KIF9: variants seen among roughly 807,000 people sequenced by gnomAD.
The protein encoded by KIF9 is kinesin-like protein KIF9.
KIF9 carries 68 observed loss-of-function variants against 94.8 expected under a neutral mutation model. The ratio of observed to expected loss-of-function variants is 0.72; its 90% CI spans 0.59 to 0.88. KIF9 has a LOEUF of 0.88. Among genes scored for constraint, KIF9 ranks in the 40% least tolerant of loss-of-function variants. The pLI, the probability that KIF9 is intolerant of heterozygous loss-of-function variation, is 0.00. For synonymous variants in KIF9, 343 were observed against 362.1 expected (o/e 0.95, Z 0.60); for missense variants, 882 against 982.5 (o/e 0.90, Z 1.37).
chr3:47,256,499 G>A (rs1358128562), intron 10 of KIF9, among the ~76,000 whole-genome samples: 1 of 151,136 alleles, frequency 6.6e-6, no homozygotes, highest in Non-Finnish European at 1.5e-5. Context: ...CAGGCCAGCC[G>A]CCCCGTCTGG....
intron 4 of KIF9, 70 bp from the exon 5 acceptor site, chr3:47,271,531 C>G: frequency 9.1e-7 from 1 of 1,095,448 alleles, no homozygotes; most frequent in South Asian, 1.3e-5. Flanking sequence ...AGGGGGGCTT[C>G]CTAACTCAGA....
Position 47,246,178 on chromosome 3 carries a change from A to AG in KIF9, c.1289+18dup. 4 of 1,607,200 alleles carry AG rather than the reference A, an allele frequency of 2.5e-6. No individual in the cohort carries two copies. Among genetic ancestry groups the AG allele is most frequent in the Non-Finnish European group, 3.4e-6 (4 of 1,174,368 alleles). Reference sequence around the variant, plus strand: ...TGGCAGCCTGATGTAGGAATGAGGTAGGGGTGGGGGTCTCTCACCTCAGAA... The same window carrying AG: ...TGGCAGCCTGATGTAGGAATGAGGTAGGGGGTGGGGGTCTCTCACCTCAGAA... On this transcript the variant is annotated intron_variant, in intron 13 of 20. Coordinates refer to ENST00000684063, the MANE Select transcript of KIF9 (RefSeq NM_182902.4).
At chr3:47,281,279 C>T (rs1264548774) in intron 1 of KIF9, 1 of 457,018 alleles carries the variant, frequency 2.2e-6, no homozygotes, top group East Asian at 3.6e-5. Context: ...CAGGAGGACA[C>T]TTGGTTTCCA....
chr3:47,264,374 G>A, intron 8 of KIF9, 24 bp from the exon 9 acceptor site: 1 of 1,599,034 alleles, frequency 6.3e-7, no homozygotes, highest in African/African-American at 1.3e-5. Flanking sequence ...GACACAGAAG[G>A]GCTATGAACC....
intron 13 of KIF9, chr3:47,245,987 C>T: frequency 1.8e-6 from 1 of 556,544 alleles, no homozygotes; most frequent in South Asian, 2.3e-5. Context: ...CTGCTCTGGG[C>T]ACTCTCAGAG....
At chr3:47,237,944 C>A (rs1699158003) in intron 17 of KIF9, among the ~76,000 whole-genome samples, 1 of 152,054 alleles carries the variant, frequency 6.6e-6, no homozygotes, top group African/African-American at 2.4e-5. Context: ...AAGCCACAAT[C>A]CTTTACAGAG....
chr3:47,280,463 T>C (rs185440325), intron 1 of KIF9, among the ~76,000 whole-genome samples: 1 of 152,358 alleles, frequency 6.6e-6, no homozygotes, highest in East Asian at 1.9e-4. Flanking sequence ...TCCCAGCCTT[T>C]GGGAGGCCAA....
chr3:47,266,047 T>C, intron 7 of KIF9, 170 bp from the exon 8 acceptor site: 1 of 606,008 alleles, frequency 1.7e-6, no homozygotes, highest in Non-Finnish European at 2.9e-6. Flanking sequence ...CATCTTGGGC[T>C]AATAATGGTA....
intron 13 of KIF9, 35 bp from the exon 14 acceptor site, chr3:47,245,546 G>A (rs761640638): frequency 6.5e-7 from 1 of 1,527,204 alleles, no homozygotes; most frequent in East Asian, 2.2e-5. Context: ...GCTTGTACCT[G>A]GGGCCATGCT....
At chr3:47,231,393 ATCAGTATC>A (rs1186022321) in intron 20 of KIF9, among the ~76,000 whole-genome samples, 7 of 141,896 alleles carry the variant, frequency 4.9e-5, no homozygotes, top group Admixed American at 3.7e-4. Context: ...CTCAGGCTCC[ATCAGTATC>A]TACTTTTTTT....
intron 3 of KIF9, among the ~76,000 whole-genome samples, chr3:47,274,954 G>A (rs770397022): frequency 6.6e-6 from 1 of 152,206 alleles, no homozygotes; most frequent in Non-Finnish European, 1.5e-5. Context: ...CATTGATTGT[G>A]TTGGTAGAAT....
chr3:47,271,870 C>T (rs550919912), intron 4 of KIF9, among the ~76,000 whole-genome samples: 1 of 152,162 alleles, frequency 6.6e-6, no homozygotes, highest in Non-Finnish European at 1.5e-5. Flanking sequence ...ACCTGTGAGC[C>T]CAGCACTTTG....
chr3:47,244,630 A>G, intron 15 of KIF9, 161 bp downstream of exon 15: 3 of 859,878 alleles, frequency 3.5e-6, no homozygotes, highest in Non-Finnish European at 1.8e-6. Flanking sequence ...AACCAGCCCC[A>G]GCCCGGGCCC....
rs1426609749 is a variant in KIF9 at position 47,236,406 on chromosome 3, T to C, written c.2101+37A>G. On this transcript the variant is annotated intron_variant, in intron 18 of 20. Coordinates refer to ENST00000684063, the MANE Select transcript of KIF9 (RefSeq NM_182902.4). ...TGTGGCCTCTCCCTGAGTCTCCTTG[T>C]ACCTCAGGTGGCGGCCAACCTTCCC... is the stretch of plus-strand genomic sequence containing the variant. 1.9e-6 allele frequency: 3 copies of C among 1,607,236 alleles called. No homozygotes were observed. The Admixed American group carries it at 5.0e-5, about 27-fold the overall frequency.
chr3:47,270,388 G>A (rs907861679), intron 5 of KIF9, among the ~76,000 whole-genome samples: 4 of 151,626 alleles, frequency 2.6e-5, no homozygotes, highest in South Asian at 2.1e-4. Flanking sequence ...CTAGTAGCTG[G>A]GATTACAGGC....
rs1702090468 is a variant in KIF9, at chr3:47,278,076, CATTT to C, written c.-5-701_-5-698del. 2.0e-5 allele frequency among the ~76,000 whole-genome samples: 3 copies of C among 151,422 alleles called. No homozygotes were observed. The East Asian group carries it at 5.8e-4, about 29-fold the overall frequency. On this transcript the variant is annotated intron_variant, in intron 1 of 20. Transcript: ENST00000684063. ...GGAAGACATAGGACATATATACATA[CATTT>C]TTTTTTTTTGAGACAGAGTCTCACC...
intron 16 of KIF9, among the ~76,000 whole-genome samples, chr3:47,241,407 C>T (rs750423541): frequency 1.3e-5 from 2 of 151,810 alleles, no homozygotes; most frequent in African/African-American, 2.4e-5. Flanking sequence ...CTGCAACCCC[C>T]ACCTCCTAGG....
chr3:47,228,052 C>G lies in KIF9; in HGVS notation c.*600G>C, dbSNP rs1277741968. On this transcript the variant is annotated 3_prime_UTR_variant, in exon 21 of 21. Coordinates refer to ENST00000684063, the MANE Select transcript of KIF9 (RefSeq NM_182902.4). The stretch of plus-strand genomic sequence containing the variant: ...ACATGGAGCCAGCTCTGCCTCATCC[C>G]TTTCTGGTCTCTGTGGCTAGACCTT... The G allele has an allele frequency of 2.0e-5, 3 of 152,430 alleles. No individual in the cohort carries two copies. Among genetic ancestry groups the G allele is most frequent in the African/African-American group, 7.2e-5 (3 of 41,448 alleles). The allele number at this position is 152,430 out of a possible 1,614,324, so 9.4% of individuals were successfully genotyped here. A position where few individuals can be genotyped will look rare whatever the true frequency, so the allele number is the denominator to read the frequency against.
At chr3:47,281,033 A>G in intron 1 of KIF9, 1 of 703,052 alleles carries the variant, frequency 1.4e-6, no homozygotes, top group Non-Finnish European at 2.6e-6. Context: ...AGCTGCTTGA[A>G]GGCAAGGATT....
Sources: gnomAD v4.1 joint callset for allele counts (sites outside exome capture counted in the v4.1 genomes callset) on GRCh38, gnomAD v4.1.1 for gene constraint, MANE v1.5 for transcripts, NCBI Gene and HGNC (gene_info 2026-07-23, HGNC 2026-07-21) for gene names.